HMCN2: variants seen among roughly 807,000 people sequenced by gnomAD.
HMCN2 encodes the protein hemicentin-2.
HMCN2 carries 325 observed loss-of-function variants against 377.5 expected under a neutral mutation model. The observed-to-expected ratio is 0.86, with a 90% confidence interval of 0.79 to 0.94. The LOEUF (loss-of-function observed/expected upper bound fraction) is 0.94, where lower values mean the gene tolerates loss of function less well. Among genes scored for constraint, HMCN2 ranks in the 40% least tolerant of loss-of-function variants. The pLI is 0.00. For missense variants in HMCN2, 4,543 were observed against 4,725.3 expected (o/e 0.96, Z 1.13); for synonymous variants, 2,007 against 2,046.8 (o/e 0.98, Z 0.53).
chr9:130,430,137 G>A (rs575417786), intron 94 of HMCN2, 147 bp from the exon 95 acceptor site: 2 of 691,786 alleles, frequency 2.9e-6, no homozygotes, highest in Non-Finnish European at 4.8e-6. Context: ...GTCCGGGAGA[G>A]GGGGATGCAG....
intron 23 of HMCN2, among the ~76,000 whole-genome samples, chr9:130,340,606 G>A (rs1004319725): frequency 1.2e-4 from 18 of 148,486 alleles, no homozygotes; most frequent in Non-Finnish European, 2.2e-4. Context: ...TGTAACCTCC[G>A]CCTCCCGGGT....
chr9:130,402,817 C>T lies in HMCN2; in HGVS notation c.11799C>T (p.Pro3933=), dbSNP rs1006880886. Residue 3933 remains proline, a synonymous_variant, in exon 78 of 98, where the codon CCC becomes CCT. Transcript: ENST00000683500. ...CCCTGGAGATCGGGCAGGCCCTCCC[C>T]ATCCACGCAGGCCGCTACACCTGCT... is the stretch of plus-strand genomic sequence containing the variant. ...SGALEIGQAL[P]IHAGRYTCSA... is the part of the protein sequence containing the mutation. 1.6e-6 allele frequency: 2 copies of T among 1,289,662 alleles called. No individual in the cohort carries two copies. Among genetic ancestry groups the T allele is most frequent in the Non-Finnish European group, 2.0e-6 (2 of 988,852 alleles). The allele number at this position is 1,289,662 out of a possible 1,614,324, so 79.9% of individuals were successfully genotyped here.
At chr9:130,348,170 T>G in intron 26 of HMCN2, 1 of 482,286 alleles carries the variant, frequency 2.1e-6, no homozygotes, top group Non-Finnish European at 2.7e-6. Context: ...AATGACTTGC[T>G]CAAGACATTT....
rs567070325 is a variant in HMCN2 at position 130,296,689 on chromosome 9, C to G, written c.907C>G (p.Arg303Gly). 1 of 471,072 alleles carries G rather than the reference C, an allele frequency of 2.1e-6. No homozygotes were observed. Among genetic ancestry groups the G allele is most frequent in the Non-Finnish European group, 4.4e-6 (1 of 227,052 alleles). 29.2% of individuals were successfully genotyped at this position (471,072 alleles called of 1,614,324 possible). The change falls in exon 7 of 98, where the codon CGC (arginine) becomes GGC (glycine). Residue 303 changes from arginine (R) to glycine (G), a missense_variant. Arg to Gly is a moderately radical substitution (Grantham distance 125, BLOSUM62 -2). Around this residue, in one of 5 missense-constraint regions of HMCN2, gnomAD observed 547 missense variants for 189.9 expected, o/e 2.88. Coordinates refer to ENST00000683500, the MANE Select transcript of HMCN2 (RefSeq NM_001291815.2). ...CCTGCGCTAGGTCTATAGCAGTGGC[C>G]GCCATTCAGTGAGGATCACAGGCGT... ...LWSIKVYSSG[R>G]HSVRITGVSN...
rs561511753 is a variant in HMCN2, at chr9:130,401,341, T to A, written c.11770+394T>A. On this transcript the variant is annotated intron_variant, in intron 77 of 97. Coordinates refer to ENST00000683500, the MANE Select transcript of HMCN2 (RefSeq NM_001291815.2). ...GATAATAGTACATGGTGATTTTTTTTAAGATGGAGTCTCGCTCTGTTGCCC... is the reference window on the plus strand; with the variant it reads ...GATAATAGTACATGGTGATTTTTTTAAAGATGGAGTCTCGCTCTGTTGCCC... Among the ~76,000 whole-genome samples, 6 of 152,302 alleles carry A rather than the reference T, an allele frequency of 3.9e-5. No homozygotes were observed. The East Asian group carries it at 9.7e-4, about 25-fold the overall frequency.
In HMCN2 at chr9:130,377,761, C is replaced by G. The variant is rs1163796309; in HGVS notation, c.8174C>G (p.Ala2725Gly). 1.0e-6 allele frequency: 1 copy of G among 985,830 alleles called. No homozygotes were observed. The highest frequency in any genetic ancestry group is 6.1e-5 in the Admixed American group (1 of 16,274). 61.1% of individuals were successfully genotyped at this position (985,830 alleles called of 1,614,324 possible). A position where few individuals can be genotyped will look rare whatever the true frequency, so the allele number is the denominator to read the frequency against. The part of the protein sequence containing the change: ...GRYLCVATNV[A>G]GEDDQDFNVL... Reference sequence around the variant, plus strand: ...TACCTGTGTGTGGCCACCAATGTGGCTGGCGAGGACGACCAGGACTTCAAC... The same window carrying G: ...TACCTGTGTGTGGCCACCAATGTGGGTGGCGAGGACGACCAGGACTTCAAC... Residue 2725 changes from alanine (A) to glycine (G), a missense_variant, in exon 53 of 98, where the codon GCT (alanine) becomes GGT (glycine). Transcript: ENST00000683500.
intron 45 of HMCN2, among the ~76,000 whole-genome samples, chr9:130,370,722 G>A (rs1840975068): frequency 6.6e-6 from 1 of 152,200 alleles, no homozygotes; most frequent in Non-Finnish European, 1.5e-5. Context: ...CCAGCATCCC[G>A]CTGAGGGCTT....
chr9:130,296,937 T>C (rs1424282486), intron 7 of HMCN2, 143 bp downstream of exon 7: 2 of 372,594 alleles, frequency 5.4e-6, no homozygotes, highest in Non-Finnish European at 1.1e-5. Flanking sequence ...CAAGTGGGAC[T>C]GTGCTCCCAG....
intron 22 of HMCN2, among the ~76,000 whole-genome samples, chr9:130,331,617 C>T (rs961304133): frequency 2.0e-5 from 3 of 152,184 alleles, no homozygotes; most frequent in African/African-American, 4.8e-5. Context: ...CCTCTCCCCT[C>T]CCTGGGCCTC....
In HMCN2 at chr9:130,422,656, C is replaced by T. The variant is rs1234155062; in HGVS notation, c.13311C>T (p.Ser4437=). 14 of 1,323,918 alleles carry T rather than the reference C, an allele frequency of 1.1e-5. No homozygotes were observed. The highest frequency in any genetic ancestry group is 3.1e-5 in the East Asian group (1 of 32,180). The allele number at this position is 1,323,918 out of a possible 1,614,324, so 82.0% of individuals were successfully genotyped here. A position where few individuals can be genotyped will look rare whatever the true frequency, so the allele number is the denominator to read the frequency against. ...RKFGVATLNT[S]VMQEAHSGVS... ...TTGGCGTGGCCACACTCAACACCAG[C>T]GTGATGCAGGAGGCACACTCCGGGG... Residue 4437 remains serine (S), a synonymous_variant, in exon 87 of 98, where the codon AGC becomes AGT. Coordinates refer to ENST00000683500, the MANE Select transcript of HMCN2 (RefSeq NM_001291815.2). This position sits in a 1 kb window ranked among gnomAD's most constrained non-coding sequence, Gnocchi z 4.2.
At chr9:130,285,125 G>T (rs1554927147) in intron 2 of HMCN2, 33 bp from the exon 3 acceptor site, 7 of 469,096 alleles carry the variant, frequency 1.5e-5, no homozygotes, top group South Asian at 1.1e-4. Context: ...GGAGGAGGCA[G>T]GTGGCAGCTG....
At position 130,428,875 on chromosome 9, in the gene HMCN2, G is replaced by T. The variant is rs141647477; in HGVS notation, c.14197+386G>T. Among the ~76,000 whole-genome samples the T allele has an allele frequency of 3.9e-5, 6 of 152,324 alleles. No individual in the cohort carries two copies. In the East Asian group the frequency reaches 9.6e-4, roughly 24 times the overall value. ...AATCCTTCTTGACGCAGCAGCCCCT[G>T]CAGCCACAGTGGAACAGGTTCAGTC... is the stretch of plus-strand genomic sequence containing the variant. On this transcript the variant is annotated intron_variant, in intron 93 of 97. Transcript: ENST00000683500. The surrounding 1 kb of genome is among the most constrained non-coding windows in gnomAD (Gnocchi z 5.0).
chr9:130,347,766 A>T lies in HMCN2; in HGVS notation c.4024+406A>T, dbSNP rs1257632419. On this transcript the variant is annotated intron_variant, in intron 26 of 97. Coordinates refer to ENST00000683500, the MANE Select transcript of HMCN2 (RefSeq NM_001291815.2). This position sits in a 1 kb window ranked among gnomAD's most constrained non-coding sequence, Gnocchi z 5.1. Reference sequence around the variant, plus strand: ...CATGGTGGCTTGCACCTGTAATCCTAGCACTTTGGGAGGCTGAGGCAGGAG... The same window carrying T: ...CATGGTGGCTTGCACCTGTAATCCTTGCACTTTGGGAGGCTGAGGCAGGAG... Among the ~76,000 whole-genome samples the T allele has an allele frequency of 6.6e-6, 1 of 152,216 alleles. No homozygotes were observed. The highest frequency in any genetic ancestry group is 1.5e-5 in the Non-Finnish European group (1 of 68,040).
At chr9:130,280,560 C>T (rs2131261969) in intron 1 of HMCN2, among the ~76,000 whole-genome samples, 1 of 152,166 alleles carries the variant, frequency 6.6e-6, no homozygotes, top group Middle Eastern at 3.4e-3. Flanking sequence ...AAATCCTTTC[C>T]AGGGCTCTCT....
Position 130,410,287 on chromosome 9 carries a change from G to A in HMCN2, c.12880-284G>A, listed in dbSNP as rs897604570. ...CAACGTACACAGTTTGGAAGAGGTG[G>A]ATCTACACCATGCTTTTCCAGCAAG... On this transcript the variant is annotated intron_variant, in intron 84 of 97. Transcript: ENST00000683500. Among the ~76,000 whole-genome samples the A allele has an allele frequency of 6.0e-5, 9 of 151,224 alleles. No individual in the cohort carries two copies. The East Asian group carries it at 1.8e-3, about 30-fold the overall frequency.
chr9:130,434,027 G>C lies in HMCN2; in HGVS notation c.*334G>C, dbSNP rs1468043882. 3.8e-6 allele frequency: 1 copy of C among 264,710 alleles called. No homozygotes were observed. The highest frequency in any genetic ancestry group is 7.1e-6 in the Non-Finnish European group (1 of 141,236). 16.4% of individuals were successfully genotyped at this position (264,710 alleles called of 1,614,324 possible). A position where few individuals can be genotyped will look rare whatever the true frequency, so the allele number is the denominator to read the frequency against. On this transcript the variant is annotated 3_prime_UTR_variant, in exon 98 of 98. Transcript: ENST00000683500. ...ACCTGGACGCGCGGGAGAGGGGGCA[G>C]ACCCCGCGTTAGGGGTGGCAGCAGC...
chr9:130,388,706 G>A (rs184994694), intron 62 of HMCN2, among the ~76,000 whole-genome samples, 166 bp downstream of exon 62: 10 of 148,288 alleles, frequency 6.7e-5, no homozygotes, highest in South Asian at 2.1e-4. Flanking sequence ...TGAGTGAAGC[G>A]TTGTTTATTG....
intron 1 of HMCN2, among the ~76,000 whole-genome samples, chr9:130,280,154 T>C (rs1332429771): frequency 6.6e-6 from 1 of 150,608 alleles, no homozygotes; most frequent in Non-Finnish European, 1.5e-5. Context: ...GTGTGTGTTT[T>C]TTTTTTTTTT....
chr9:130,313,608 C>A (rs983621870), intron 15 of HMCN2, among the ~76,000 whole-genome samples: 6 of 151,780 alleles, frequency 4.0e-5, no homozygotes, highest in East Asian at 1.9e-4. Flanking sequence ...GCACCCCCCC[C>A]CATAAACCTG....
Sources: gnomAD v4.1 joint callset for allele counts (sites outside exome capture counted in the v4.1 genomes callset) on GRCh38, gnomAD v4.1.1 for gene constraint, gnomAD v4.1.1 regional missense constraint, Gnocchi (gnomAD v3.1) non-coding constraint, MANE v1.5 for transcripts, NCBI Gene and HGNC (gene_info 2026-07-23, HGNC 2026-07-21) for gene names.